PRKG1: variants seen among roughly 807,000 people sequenced by gnomAD.
PRKG1 encodes cGMP-dependent protein kinase 1.
A neutral mutation model predicts 88.1 loss-of-function variants in PRKG1; 35 were observed. The observed-to-expected ratio is 0.40, with a 90% CI of 0.30 to 0.53. PRKG1 has a LOEUF of 0.53. PRKG1 is among the 20% of genes least tolerant of loss of function. The probability of loss-of-function intolerance (pLI) is 0.59; values close to 1 mark genes in which losing one functional copy is unlikely to be tolerated. For missense variants in PRKG1, 540 were observed against 839.8 expected, an observed-to-expected ratio of 0.64 and a Z score of 4.41; for synonymous variants, 303 against 292.5, an observed-to-expected ratio of 1.04 and a Z score of -0.37.
chr10:51,420,141 A>T (rs1291132034), intron 2 of PRKG1, among the ~76,000 whole-genome samples: 2 of 152,140 alleles, frequency 1.3e-5, no homozygotes, highest in African/African-American at 4.8e-5. Context: ...GGGAGACCTC[A>T]GGAAGCTTCC....
chr10:51,040,530 G>A (rs1021231015), intron 1 of PRKG1, among the ~76,000 whole-genome samples: 2 of 151,602 alleles, frequency 1.3e-5, no homozygotes, highest in African/African-American at 4.8e-5. Flanking sequence ...GTGTTGGCCA[G>A]GCTGGTCTTG....
Position 51,631,390 on chromosome 10 carries a change from C to T in PRKG1, c.592+163554C>T, listed in dbSNP as rs117873556. ...AACTAATAGGTGGGCCATGCATGGA[C>T]TAAAATTAGTGTCGGATTCTGACTT... On this transcript the variant is annotated intron_variant, in intron 3 of 17. Coordinates refer to ENST00000373980, the MANE Select transcript of PRKG1 (RefSeq NM_006258.4). Among the ~76,000 whole-genome samples the T allele has an allele frequency of 4.5e-4, 69 of 152,272 alleles. No individual in the cohort carries two copies. In the East Asian group the frequency reaches 7.9e-3, roughly 17 times the overall value.
chr10:51,686,745 T>C (rs1343828516), intron 3 of PRKG1, among the ~76,000 whole-genome samples: 1 of 150,050 alleles, frequency 6.7e-6, no homozygotes, highest in African/African-American at 2.5e-5. Context: ...ACCTTTTTTG[T>C]TTGTTTGTTT....
chr10:51,986,297 G>T (rs1476624056), intron 5 of PRKG1, among the ~76,000 whole-genome samples: 1 of 152,292 alleles, frequency 6.6e-6, no homozygotes, highest in East Asian at 1.9e-4. Context: ...TTTTGTTTCA[G>T]TGACTCCTGT....
At chr10:52,102,991 CATT>C (rs1386952873) in intron 7 of PRKG1, among the ~76,000 whole-genome samples, 1 of 152,168 alleles carries the variant, frequency 6.6e-6, no homozygotes, top group Non-Finnish European at 1.5e-5. Context: ...GGTGAGTGAG[CATT>C]ACTGCTTGAG....
intron 2 of PRKG1, among the ~76,000 whole-genome samples, chr10:51,286,914 T>C (rs1840455310): frequency 6.6e-6 from 1 of 152,192 alleles, no homozygotes; most frequent in Non-Finnish European, 1.5e-5. Flanking sequence ...TCTCACTCTG[T>C]CGCCCAGGCT....
intron 1 of PRKG1, among the ~76,000 whole-genome samples, chr10:51,095,226 GA>G (rs1844499288): frequency 1.3e-5 from 2 of 152,130 alleles, no homozygotes; most frequent in Non-Finnish European, 2.9e-5. Flanking sequence ...TTTCCATGCT[GA>G]CTTTTAGTTT....
Position 51,643,858 on chromosome 10 carries a change from A to G in PRKG1, c.593-160727A>G, listed in dbSNP as rs537619225. Among the ~76,000 whole-genome samples the G allele has an allele frequency of 2.0e-5, 3 of 152,330 alleles. No individual in the cohort carries two copies. In the East Asian group the frequency reaches 5.8e-4, roughly 29 times the overall value. On this transcript the variant is annotated intron_variant, in intron 3 of 17. Coordinates refer to ENST00000373980, the MANE Select transcript of PRKG1 (RefSeq NM_006258.4). ...AAATGTACGCAAAAATAAGCAAACA[A>G]TCAATGAAACTTCCTGTCCCATCAC...
chr10:51,399,843 C>T (rs1310928802), intron 2 of PRKG1, among the ~76,000 whole-genome samples: 1 of 152,090 alleles, frequency 6.6e-6, no homozygotes, highest in Non-Finnish European at 1.5e-5. Context: ...TATCTGAATC[C>T]ATTGGTGTCA....
intron 2 of PRKG1, among the ~76,000 whole-genome samples, chr10:51,364,957 C>T (rs1194810347): frequency 6.6e-6 from 1 of 151,944 alleles, no homozygotes; most frequent in Non-Finnish European, 1.5e-5. Context: ...TTACCATTTA[C>T]TGAGTGCCTA....
chr10:51,685,686 A>C (rs1840970073), intron 3 of PRKG1, among the ~76,000 whole-genome samples: 1 of 152,092 alleles, frequency 6.6e-6, no homozygotes, highest in Admixed American at 6.6e-5. Flanking sequence ...AAGACTAGAC[A>C]AAAAAGCTTC....
intron 9 of PRKG1, among the ~76,000 whole-genome samples, chr10:52,240,209 C>G (rs559416080): frequency 6.6e-6 from 1 of 152,116 alleles, no homozygotes; most frequent in Non-Finnish European, 1.5e-5. Context: ...AGTGATCAGT[C>G]GTATCAATAA....
At chr10:51,068,194 C>T (rs1330811625) in intron 1 of PRKG1, among the ~76,000 whole-genome samples, 1 of 151,984 alleles carries the variant, frequency 6.6e-6, no homozygotes, top group Non-Finnish European at 1.5e-5. Context: ...TCTGGATTTC[C>T]ATCTCATGAT....
chr10:51,907,416 T>C, intron 4 of PRKG1, 91 bp from the exon 5 acceptor site: 3 of 1,046,266 alleles, frequency 2.9e-6, no homozygotes, highest in Non-Finnish European at 4.1e-6. Context: ...TGAAATAGTT[T>C]TGTATTTTAA....
At chr10:51,310,954 G>C (rs989936395) in intron 2 of PRKG1, among the ~76,000 whole-genome samples, 2 of 152,136 alleles carry the variant, frequency 1.3e-5, no homozygotes, top group Non-Finnish European at 2.9e-5. Flanking sequence ...GCTTCCCTGA[G>C]GTATAGGTGT....
At chr10:51,803,810 T>C (rs1016450406) in intron 3 of PRKG1, among the ~76,000 whole-genome samples, 1 of 152,158 alleles carries the variant, frequency 6.6e-6, no homozygotes, top group African/African-American at 2.4e-5. Flanking sequence ...AAATCTCTCA[T>C]ATGCCATCAC....
intron 2 of PRKG1, among the ~76,000 whole-genome samples, chr10:51,462,608 C>G (rs1443755272): frequency 6.6e-6 from 1 of 152,154 alleles, no homozygotes; most frequent in Non-Finnish European, 1.5e-5. Flanking sequence ...GGACTTATGA[C>G]TCAGCTCATT....
intron 1 of PRKG1, among the ~76,000 whole-genome samples, chr10:51,135,687 C>T (rs903054435): frequency 6.6e-6 from 1 of 151,934 alleles, no homozygotes; most frequent in Non-Finnish European, 1.5e-5. Context: ...TGGTTAATAA[C>T]AATGTGATTA....
At chr10:52,060,098 A>G (rs1194751547) in intron 6 of PRKG1, among the ~76,000 whole-genome samples, 1 of 151,896 alleles carries the variant, frequency 6.6e-6, no homozygotes, top group Non-Finnish European at 1.5e-5. Context: ...CTGGACAAAT[A>G]TGTCAGTGTA....
Sources: allele counts gnomAD v4.1 joint callset (sites outside exome capture counted in the v4.1 genomes callset), GRCh38; gene constraint gnomAD v4.1.1; transcripts MANE v1.5; gene names NCBI Gene and HGNC (gene_info 2026-07-23, HGNC 2026-07-21).